SGK3: variants seen among roughly 807,000 people sequenced by gnomAD.
SGK3 encodes serine/threonine-protein kinase Sgk3.
In SGK3, 47 loss-of-function variants were observed where a neutral mutation model predicts 68.5. The ratio of observed to expected loss-of-function variants is 0.69; its 90% CI spans 0.54 to 0.87. The LOEUF is 0.87. SGK3 is among the 40% of genes least tolerant of loss of function. The pLI, the probability that SGK3 is intolerant of heterozygous loss-of-function variation, is 0.00. For missense variants in SGK3, 479 were observed against 575.5 expected (o/e 0.83, Z 1.72); for synonymous variants, 181 against 189.1 (o/e 0.96, Z 0.35).
intron 1 of SGK3, among the ~76,000 whole-genome samples, chr8:66,718,023 A>AT (rs950898630): frequency 1.6e-4 from 21 of 127,580 alleles, no homozygotes; most frequent in South Asian, 2.4e-4. Flanking sequence ...TTACCTCCCT[A>AT]TTTTTTTTTT....
At chr8:66,721,550 AC>A (rs1009712296) in intron 1 of SGK3, among the ~76,000 whole-genome samples, 27 of 152,212 alleles carry the variant, frequency 1.8e-4, no homozygotes, top group African/African-American at 6.0e-4. Flanking sequence ...AGTGGTTTCA[AC>A]CTTTGAAGCC....
At chr8:66,763,308 G>A (rs148742653) in intron 1 of SGK3, among the ~76,000 whole-genome samples, 51 of 152,240 alleles carry the variant, frequency 3.3e-4, no homozygotes, top group Non-Finnish European at 6.6e-4. Flanking sequence ...TTACATGTTC[G>A]ATATATTTCA....
intron 2 of SGK3, among the ~76,000 whole-genome samples, chr8:66,797,969 A>G (rs1327511948): frequency 1.3e-5 from 2 of 150,684 alleles, no homozygotes; most frequent in South Asian, 2.1e-4. Context: ...AATATCACCT[A>G]TTTTTTTCTG....
chr8:66,830,586 GTCTACA>G (rs1464288583), intron 7 of SGK3, among the ~76,000 whole-genome samples: 1 of 152,124 alleles, frequency 6.6e-6, no homozygotes, highest in African/African-American at 2.4e-5. Context: ...GTGTGTTTTT[GTCTACA>G]TAACAGCCAA....
chr8:66,816,337 CTT>C (rs1177867449), intron 5 of SGK3, among the ~76,000 whole-genome samples: 16 of 114,116 alleles, frequency 1.4e-4, no homozygotes, highest in Non-Finnish European at 2.3e-4. Flanking sequence ...GTGACATTTC[CTT>C]TTTTTTTTTT....
chr8:66,719,293 TTTG>T (rs1298213702), intron 1 of SGK3, among the ~76,000 whole-genome samples: 1 of 151,326 alleles, frequency 6.6e-6, no homozygotes, highest in Non-Finnish European at 1.5e-5. Flanking sequence ...TTTTACACAA[TTTG>T]TTGTTTTGTT....
At chr8:66,771,365 A>G (rs988260279) in intron 1 of SGK3, among the ~76,000 whole-genome samples, 9 of 152,354 alleles carry the variant, frequency 5.9e-5, no homozygotes, top group Middle Eastern at 3.4e-3. Flanking sequence ...TGTACTATTG[A>G]CATTTTCAAA....
chr8:66,776,903 A>G (rs1165051444), intron 1 of SGK3, among the ~76,000 whole-genome samples: 1 of 152,226 alleles, frequency 6.6e-6, no homozygotes, highest in Non-Finnish European at 1.5e-5. Context: ...TCCTTTTAAA[A>G]TGCAGCCCTC....
chr8:66,825,687 T>A (rs761561425), intron 6 of SGK3, among the ~76,000 whole-genome samples: 23 of 152,112 alleles, frequency 1.5e-4, no homozygotes, highest in Non-Finnish European at 3.4e-4. Flanking sequence ...ACTCCCTTAT[T>A]TACACAGAGA....
chr8:66,757,321 A>T (rs111627683), intron 1 of SGK3, among the ~76,000 whole-genome samples: 3,833 of 150,976 alleles, frequency 0.025, 84 homozygotes, highest in South Asian at 0.054. Flanking sequence ...TTTTGTAGAG[A>T]CTCAAAAAGT....
At chr8:66,759,867 G>A (rs994545348) in intron 1 of SGK3, among the ~76,000 whole-genome samples, 1 of 152,074 alleles carries the variant, frequency 6.6e-6, no homozygotes, top group East Asian at 1.9e-4. Context: ...TTACAGGCAT[G>A]AGCCACCACG....
chr8:66,773,391 A>T (rs537616369), intron 1 of SGK3, among the ~76,000 whole-genome samples: 1 of 152,284 alleles, frequency 6.6e-6, no homozygotes, highest in South Asian at 2.1e-4. Flanking sequence ...GGCAAGAATG[A>T]TACAGTATTA....
chr8:66,753,222 G>C (rs1805875166), intron 1 of SGK3, among the ~76,000 whole-genome samples: 1 of 152,098 alleles, frequency 6.6e-6, no homozygotes, highest in Non-Finnish European at 1.5e-5. Flanking sequence ...GGCAAAAAAA[G>C]TTAAAACATG....
intron 1 of SGK3, among the ~76,000 whole-genome samples, chr8:66,789,164 A>G (rs1022605362): frequency 2.0e-5 from 3 of 151,958 alleles, no homozygotes; most frequent in Admixed American, 1.3e-4. Context: ...TCAGAATCTC[A>G]TTTGTAATTG....
chr8:66,777,073 G>A (rs1441581822), intron 1 of SGK3, among the ~76,000 whole-genome samples: 1 of 152,226 alleles, frequency 6.6e-6, no homozygotes, highest in Non-Finnish European at 1.5e-5. Context: ...GTCCCAAAGA[G>A]ATAATGTCAC....
intron 13 of SGK3, among the ~76,000 whole-genome samples, chr8:66,842,650 A>C (rs1236814759): frequency 6.6e-6 from 1 of 152,226 alleles, no homozygotes; most frequent in Non-Finnish European, 1.5e-5. Context: ...TAAAATGTAA[A>C]TAGACATCTA....
At chr8:66,843,195 T>G (rs1257972386) in intron 13 of SGK3, among the ~76,000 whole-genome samples, 1 of 152,204 alleles carries the variant, frequency 6.6e-6, no homozygotes, top group Non-Finnish European at 1.5e-5. Context: ...AGATTCTACC[T>G]TCGCGATACT....
At chr8:66,776,213 T>C (rs1806707274) in intron 1 of SGK3, among the ~76,000 whole-genome samples, 2 of 152,232 alleles carry the variant, frequency 1.3e-5, no homozygotes, top group Admixed American at 1.3e-4. Context: ...TGTTACCTGA[T>C]GTGATCATCC....
intron 1 of SGK3, among the ~76,000 whole-genome samples, chr8:66,783,886 GTTGT>G (rs910282648): frequency 1.2e-4 from 18 of 151,838 alleles, no homozygotes; most frequent in Non-Finnish European, 1.6e-4. Flanking sequence ...TTTTGTTGTC[GTTGT>G]TTGTTTGTTT....
Sources: gnomAD v4.1 joint callset for allele counts (sites outside exome capture counted in the v4.1 genomes callset) on GRCh38, gnomAD v4.1.1 for gene constraint, MANE v1.5 for transcripts, NCBI Gene and HGNC (gene_info 2026-07-23, HGNC 2026-07-21) for gene names.